IL22RA1: variants seen among roughly 807,000 people sequenced by gnomAD.
IL22RA1 encodes interleukin 22 receptor subunit alpha 1, also known as interleukin-22 receptor subunit alpha-1.
In IL22RA1, 25 loss-of-function variants were observed where a neutral mutation model predicts 32.8. That is an observed-to-expected ratio of 0.76 (90% confidence interval 0.55 to 1.06). The LOEUF (loss-of-function observed/expected upper bound fraction) is 1.06, where lower values mean the gene tolerates loss of function less well. IL22RA1 is among the 50% of genes least tolerant of loss of function. IL22RA1 has a pLI of 0.00. For missense variants in IL22RA1, 709 were observed against 727.4 expected (o/e 0.97, Z 0.29); for synonymous variants, 305 against 305.0 (o/e 1.00, Z 0.00).
Position 24,121,015 on chromosome 1 carries a change from C to T in IL22RA1, c.1515G>A (p.Glu505=). The change falls in exon 7 of 7, where the codon GAG becomes GAA. Residue 505 remains glutamate (E), a synonymous_variant. Coordinates refer to ENST00000270800, the MANE Select transcript of IL22RA1 (RefSeq NM_021258.4). The part of the protein sequence containing the change: ...QLPLLSSVQI[E]GHPMSLPLQP... ...GCAAAGGGAGGGACATGGGGTGGCC[C>T]TCGATCTGGACTGAGGAGAGGAGGG... 3.7e-6 allele frequency: 6 copies of T among 1,614,042 alleles called. No individual in the cohort carries two copies. The highest frequency in any genetic ancestry group is 5.1e-6 in the Non-Finnish European group (6 of 1,179,888).
chr1:24,141,047 C>T (rs2148576826), intron 1 of IL22RA1, among the ~76,000 whole-genome samples: 1 of 152,364 alleles, frequency 6.6e-6, no homozygotes, highest in East Asian at 1.9e-4. Flanking sequence ...CATCCTCTGG[C>T]CAACCTCGAA....
chr1:24,137,650 G>T (rs2148575350), intron 2 of IL22RA1, among the ~76,000 whole-genome samples: 1 of 151,808 alleles, frequency 6.6e-6, no homozygotes, highest in African/African-American at 2.4e-5. Context: ...CCGAGTAGCT[G>T]GGATTACAGG....
chr1:24,129,485 A>T (rs1644189599), intron 4 of IL22RA1, among the ~76,000 whole-genome samples: 1 of 152,154 alleles, frequency 6.6e-6, no homozygotes, highest in South Asian at 2.1e-4. Flanking sequence ...TCTGCTTTTG[A>T]TTCTCTAATT....
chr1:24,140,354 G>A (rs936452699), intron 1 of IL22RA1, among the ~76,000 whole-genome samples: 1 of 152,200 alleles, frequency 6.6e-6, no homozygotes, highest in Non-Finnish European at 1.5e-5. Context: ...CATGTGTTGA[G>A]TCTGAAGGGA....
In IL22RA1 at chr1:24,121,734, C is replaced by T. The variant is rs148768286; in HGVS notation, c.796G>A (p.Val266Ile). 1.5e-4 allele frequency: 228 copies of T among 1,525,484 alleles called. 1 individual carries two copies. In the East Asian group the frequency reaches 4.5e-3, roughly 30 times the overall value. The allele number at this position is 1,525,484 out of a possible 1,614,324, so 94.5% of individuals were successfully genotyped here. Residue 266 changes from valine to isoleucine, a missense_variant, in exon 7 of 7, where the codon GTC (valine) becomes ATC (isoleucine). Val to Ile is a conservative substitution (Grantham distance 29). Coordinates refer to ENST00000270800, the MANE Select transcript of IL22RA1 (RefSeq NM_021258.4). Reference sequence around the variant, plus strand: ...GGCTGGAAAGTCAGGACTCGCTGGACGTTCTGTGCAGGGACGACAACAGTC... The same window carrying T: ...GGCTGGAAAGTCAGGACTCGCTGGATGTTCTGTGCAGGGACGACAACAGTC... Reference protein sequence around the residue: ...KPPAPPNSLNVQRVLTFQPLR... With the variant: ...KPPAPPNSLNIQRVLTFQPLR...
In IL22RA1 at chr1:24,138,696, G is replaced by C; in HGVS notation, c.62C>G (p.Pro21Arg). Residue 21 changes from proline to arginine, a missense_variant, in exon 2 of 7, where the codon CCC becomes CGC. Physicochemically the swap from Pro to Arg is moderately radical, Grantham distance 103. Coordinates refer to ENST00000270800, the MANE Select transcript of IL22RA1 (RefSeq NM_021258.4). ...TTTCACGTGCTGGAGCAGATCCGAG[G>C]GGTCCTCAGGGGCGTGAGCTGCAGG... ...GSLAAHAPED[P>R]SDLLQHVKFQ... 1 of 1,614,158 alleles carries C rather than the reference G, an allele frequency of 6.2e-7. No homozygotes were observed. Among genetic ancestry groups the C allele is most frequent in the Non-Finnish European group, 8.5e-7 (1 of 1,180,012 alleles).
At chr1:24,137,540 A>T in intron 2 of IL22RA1, among the ~76,000 whole-genome samples, 3 of 131,778 alleles carry the variant, frequency 2.3e-5, no homozygotes, top group Non-Finnish European at 1.6e-5. Flanking sequence ...TTCTTGAGAC[A>T]CAGCCTCGCT....
chr1:24,123,228 T>C (rs1644137424), intron 6 of IL22RA1, 74 bp downstream of exon 6: 3 of 1,532,804 alleles, frequency 2.0e-6, no homozygotes, highest in Non-Finnish European at 1.7e-6. Flanking sequence ...CCCTGCATTT[T>C]GGGGACAACT....
rs779699932 is a variant in IL22RA1, at chr1:24,134,297, C to T, written c.445G>A (p.Gly149Ser). 8.1e-6 allele frequency: 13 copies of T among 1,609,404 alleles called. No individual in the cohort carries two copies. Among genetic ancestry groups the T allele is most frequent in the Non-Finnish European group, 1.0e-5 (12 of 1,177,640 alleles). ...TCCAGGGTTAGCCGGTGGCCATCGC[C>T]TGCACGGATTGGCGTGGGGGTAGGA... The part of the protein sequence containing the change: ...VHPTPTPIRA[G>S]DGHRLTLEDI... Residue 149 changes from glycine (G) to serine (S), a missense_variant, in exon 4 of 7, where the codon GGC (glycine) becomes AGC (serine). Gly to Ser is a moderately conservative substitution (Grantham distance 56). Coordinates refer to ENST00000270800, the MANE Select transcript of IL22RA1 (RefSeq NM_021258.4).
chr1:24,128,474 C>G (rs1406695044), intron 4 of IL22RA1, among the ~76,000 whole-genome samples, 195 bp from the exon 5 acceptor site: 17 of 151,732 alleles, frequency 1.1e-4, no homozygotes, highest in Admixed American at 7.2e-4. Flanking sequence ...CTTTCACTTG[C>G]AATAGTGTCT....
intron 5 of IL22RA1, among the ~76,000 whole-genome samples, chr1:24,124,643 G>A (rs1644149014): frequency 6.6e-6 from 1 of 152,074 alleles, no homozygotes; most frequent in Non-Finnish European, 1.5e-5. Context: ...CCTCAGCTTG[G>A]AGAGTTTATC....
chr1:24,133,518 G>T (rs1290369273), intron 4 of IL22RA1, among the ~76,000 whole-genome samples: 2 of 152,166 alleles, frequency 1.3e-5, no homozygotes, highest in Non-Finnish European at 2.9e-5. Context: ...AATACGAAAA[G>T]AAATAATTCA....
rs1377469525 is a variant in IL22RA1 at position 24,119,980 on chromosome 1, T to C, written c.*825A>G. On this transcript the variant is annotated 3_prime_UTR_variant, in exon 7 of 7. Coordinates refer to ENST00000270800, the MANE Select transcript of IL22RA1 (RefSeq NM_021258.4). The stretch of plus-strand genomic sequence containing the variant: ...GGTGAGGCTGGAATTTGAGCCCAGA[T>C]GGGCTGAACCCAAGGCAGAGCTTGC... The C allele has an allele frequency of 2.6e-5, 4 of 152,286 alleles. No homozygotes were observed. Among genetic ancestry groups the C allele is most frequent in the Non-Finnish European group, 5.9e-5 (4 of 68,070 alleles). 9.4% of individuals were successfully genotyped at this position (152,286 alleles called of 1,614,324 possible).
rs763862843 is a variant in IL22RA1, at chr1:24,127,313, C to CT, written c.670+827dup. Among the ~76,000 whole-genome samples, 358 of 144,090 alleles carry CT rather than the reference C, an allele frequency of 2.5e-3. 1 individual carries two copies. Among genetic ancestry groups the CT allele is most frequent in the East Asian group, 5.6e-3 (28 of 4,966 alleles). The allele number at this position is 144,090 out of a possible 152,430, so 94.5% of individuals were successfully genotyped here. ...CACCTGTGTGACCTTGGGCAAGTCA[C>CT]TTTTTTTTTTTTTTCCGAGACAAGG... On this transcript the variant is annotated intron_variant, in intron 5 of 6. Coordinates refer to ENST00000270800, the MANE Select transcript of IL22RA1 (RefSeq NM_021258.4).
At chr1:24,129,949 C>T (rs1419057801) in intron 4 of IL22RA1, among the ~76,000 whole-genome samples, 1 of 152,198 alleles carries the variant, frequency 6.6e-6, no homozygotes, top group African/African-American at 2.4e-5. Context: ...GCCCTCATTT[C>T]CAGCCTATAC....
At chr1:24,139,728 G>C (rs1015230215) in intron 1 of IL22RA1, among the ~76,000 whole-genome samples, 5 of 152,136 alleles carry the variant, frequency 3.3e-5, no homozygotes, top group African/African-American at 1.2e-4. Context: ...TGTAGTGATG[G>C]GGTCTCATAT....
chr1:24,124,965 T>C (rs1644150985), intron 5 of IL22RA1, among the ~76,000 whole-genome samples: 1 of 152,298 alleles, frequency 6.6e-6, no homozygotes, highest in African/African-American at 2.4e-5. Context: ...CATTGCCATT[T>C]CACCCATAGG....
At position 24,130,841 on chromosome 1, in the gene IL22RA1, A is replaced by C. The variant is rs1202055152; in HGVS notation, c.532-2562T>G. ...TGCCTCAGCCTCCTGAGTAGCTGGG[A>C]TTACAGGCACCTGCCACCATGCCCA... On this transcript the variant is annotated intron_variant, in intron 4 of 6. Transcript: ENST00000270800. Among the ~76,000 whole-genome samples the C allele has an allele frequency of 2.6e-5, 4 of 152,160 alleles. No individual in the cohort carries two copies. The East Asian group carries it at 5.8e-4, about 22-fold the overall frequency.
At chr1:24,127,106 A>G (rs1644170631) in intron 5 of IL22RA1, among the ~76,000 whole-genome samples, 1 of 152,076 alleles carries the variant, frequency 6.6e-6, no homozygotes, top group Non-Finnish European at 1.5e-5. Context: ...AATTTCTTGA[A>G]ACTGGGAAGC....
Sources: gnomAD v4.1 joint callset for allele counts (sites outside exome capture counted in the v4.1 genomes callset) on GRCh38, gnomAD v4.1.1 for gene constraint, MANE v1.5 for transcripts, NCBI Gene and HGNC (gene_info 2026-07-23, HGNC 2026-07-21) for gene names.